Variants in FGF14 observed in about 807,000 individuals in gnomAD.
The protein encoded by FGF14 is fibroblast growth factor 14.
In FGF14, 5 loss-of-function variants were observed where a neutral mutation model predicts 25.5. The observed-to-expected ratio is 0.20, with a 90% CI of 0.10 to 0.41. FGF14 has a LOEUF of 0.41. FGF14 is among the 10% of genes least tolerant of loss of function. The probability of loss-of-function intolerance (pLI) is 1.00; values close to 1 mark genes in which losing one functional copy is unlikely to be tolerated. For synonymous variants in FGF14, 138 were observed against 118.3 expected (o/e 1.17, Z -1.08); for missense variants, 222 against 320.1 (o/e 0.69, Z 2.34).
intron 1 of FGF14, among the ~76,000 whole-genome samples, chr13:102,188,778 CA>C (rs771309804): frequency 2.1e-4 from 32 of 151,194 alleles, no homozygotes; most frequent in Non-Finnish European, 2.8e-4. Context: ...CCTTCTCAAC[CA>C]AAAATACAAA....
At chr13:101,962,271 C>G (rs1036628945) in intron 1 of FGF14, among the ~76,000 whole-genome samples, 4 of 152,126 alleles carry the variant, frequency 2.6e-5, no homozygotes, top group Admixed American at 1.3e-4. Context: ...AGAGGTGCTT[C>G]ACTTCCCTTG....
At chr13:102,276,631 A>G (rs1566891456) in intron 1 of FGF14, among the ~76,000 whole-genome samples, 1 of 152,050 alleles carries the variant, frequency 6.6e-6, no homozygotes, top group Admixed American at 6.6e-5. Context: ...AAAACATGTA[A>G]GTGTCACGGT....
rs1323721623 is a variant in FGF14 at position 102,125,285 on chromosome 13, TTTC to T, written c.209-249992_209-249990del. 1.4e-4 allele frequency among the ~76,000 whole-genome samples: 21 copies of T among 152,318 alleles called. No homozygotes were observed. The East Asian group carries it at 3.9e-3, about 28-fold the overall frequency. The stretch of plus-strand genomic sequence containing the variant: ...ACAAGTAAGAAAGCTTTTATTGAAT[TTTC>T]TTATTACACATGCATTTATATTATT... On this transcript the variant is annotated intron_variant, in intron 1 of 4. Coordinates refer to the FGF14 transcript ENST00000376131.
chr13:101,978,203 T>A (rs1428443912), intron 1 of FGF14, among the ~76,000 whole-genome samples: 1 of 152,256 alleles, frequency 6.6e-6, no homozygotes, highest in African/African-American at 2.4e-5. Flanking sequence ...TATTCTCTTT[T>A]AATAGAGTTG....
chr13:102,006,529 T>C (rs1315884110), intron 1 of FGF14, among the ~76,000 whole-genome samples: 3 of 151,122 alleles, frequency 2.0e-5, no homozygotes, highest in East Asian at 1.9e-4. Context: ...CAAAATATCA[T>C]AGAAGTTTTG....
At chr13:102,306,882 G>A (rs775464059) in intron 1 of FGF14, among the ~76,000 whole-genome samples, 16 of 152,118 alleles carry the variant, frequency 1.1e-4, no homozygotes, top group Admixed American at 2.6e-4. Flanking sequence ...ATACGTCCAC[G>A]TCCTAATTTC....
At chr13:102,111,947 T>G (rs2045250486) in intron 1 of FGF14, among the ~76,000 whole-genome samples, 2 of 152,258 alleles carry the variant, frequency 1.3e-5, no homozygotes, top group Non-Finnish European at 1.5e-5. Context: ...TTTTTAAAAT[T>G]TAATTTGTAT....
At chr13:101,862,520 C>T (rs191176396) in intron 3 of FGF14, among the ~76,000 whole-genome samples, 1 of 152,024 alleles carries the variant, frequency 6.6e-6, no homozygotes, top group Non-Finnish European at 1.5e-5. Flanking sequence ...TCCATAATTT[C>T]TGTTGTCCAA....
intron 3 of FGF14, among the ~76,000 whole-genome samples, chr13:101,797,921 A>G (rs1253813028): frequency 2.6e-5 from 4 of 152,100 alleles, no homozygotes; most frequent in Non-Finnish European, 5.9e-5. Flanking sequence ...TCTTTTGTTC[A>G]AAGACATAAA....
Position 101,720,669 on chromosome 13 carries a change from C to T in FGF14, c.*2162G>A, listed in dbSNP as rs999000001. ...AGTTAATTACTCATATAGTTGGCCA[C>T]ATATTATGGGATCTATGTTTTCTGA... On this transcript the variant is annotated 3_prime_UTR_variant, in exon 5 of 5. Coordinates refer to ENST00000376143, the MANE Select transcript of FGF14 (RefSeq NM_004115.4). 1 of 151,866 alleles carries T rather than the reference C, an allele frequency of 6.6e-6. No individual in the cohort carries two copies. Among genetic ancestry groups the T allele is most frequent in the Non-Finnish European group, 1.5e-5 (1 of 67,986 alleles). The allele number at this position is 151,866 out of a possible 1,614,324, so 9.4% of individuals were successfully genotyped here. A position where few individuals can be genotyped will look rare whatever the true frequency, so the allele number is the denominator to read the frequency against.
At chr13:102,333,567 C>T (rs1594878404) in intron 1 of FGF14, among the ~76,000 whole-genome samples, 1 of 152,120 alleles carries the variant, frequency 6.6e-6, no homozygotes, top group East Asian at 1.9e-4. Context: ...AGTAGGAACA[C>T]AAAGGCAATG....
chr13:102,063,933 G>T (rs964925845), intron 1 of FGF14, among the ~76,000 whole-genome samples: 1 of 152,056 alleles, frequency 6.6e-6, no homozygotes, highest in Admixed American at 6.6e-5. Flanking sequence ...TGTTTTTAAA[G>T]AATTTTTTGA....
intron 1 of FGF14, among the ~76,000 whole-genome samples, chr13:102,069,623 T>G (rs2043071723): frequency 6.6e-6 from 1 of 151,180 alleles, no homozygotes; most frequent in South Asian, 2.1e-4. Context: ...TGCTCTGCCT[T>G]AAGAGCTGTA....
chr13:102,087,614 C>T (rs2043983167), intron 1 of FGF14, among the ~76,000 whole-genome samples: 1 of 115,144 alleles, frequency 8.7e-6, no homozygotes, highest in Admixed American at 1.1e-4. Context: ...TTAGTAGAGT[C>T]GGGATTTCAC....
At chr13:102,165,653 T>C (rs1594241051) in intron 1 of FGF14, among the ~76,000 whole-genome samples, 1 of 14,544 alleles carries the variant, frequency 6.9e-5, no homozygotes, top group East Asian at 3.8e-3. Context: ...CATCACATAC[T>C]GGGGCCTGTT....
intron 3 of FGF14, among the ~76,000 whole-genome samples, chr13:101,749,113 T>C (rs939303153): frequency 6.6e-6 from 1 of 152,040 alleles, no homozygotes; most frequent in South Asian, 2.1e-4. Flanking sequence ...AGTAGCTAAA[T>C]TCATAGAAAC....
intron 1 of FGF14, among the ~76,000 whole-genome samples, chr13:102,043,813 T>G (rs2041855664): frequency 1.3e-5 from 2 of 152,156 alleles, no homozygotes; most frequent in South Asian, 4.1e-4. Context: ...TCACTTTAGA[T>G]GGTCTCCAGC....
At chr13:101,724,093 G>A (rs553191059) in intron 4 of FGF14, among the ~76,000 whole-genome samples, 2 of 152,136 alleles carry the variant, frequency 1.3e-5, no homozygotes, top group African/African-American at 4.8e-5. Flanking sequence ...GGTAGCAAAA[G>A]GAACTAATGC....
chr13:102,085,077 C>A (rs1414972824), intron 1 of FGF14, among the ~76,000 whole-genome samples: 1 of 152,220 alleles, frequency 6.6e-6, no homozygotes, highest in East Asian at 1.9e-4. Flanking sequence ...CGGACATTAA[C>A]AAGGAGTATA....
Sources: allele counts gnomAD v4.1 joint callset (sites outside exome capture counted in the v4.1 genomes callset), GRCh38; gene constraint gnomAD v4.1.1; transcripts MANE v1.5; gene names NCBI Gene and HGNC (gene_info 2026-07-23, HGNC 2026-07-21).